MYO3B: variants seen among roughly 807,000 people sequenced by gnomAD.
MYO3B encodes myosin-IIIb.
A neutral mutation model predicts 174.6 loss-of-function variants in MYO3B; 156 were observed. That is an observed-to-expected ratio of 0.89 (90% CI 0.78 to 1.02). MYO3B has a LOEUF of 1.02. MYO3B is among the 50% of genes least tolerant of loss of function. The probability of loss-of-function intolerance (pLI) is 0.00; values close to 1 mark genes in which losing one functional copy is unlikely to be tolerated. For missense variants in MYO3B, 1,632 were observed against 1,639.4 expected (o/e 1.00, Z 0.08); for synonymous variants, 563 against 569.1 (o/e 0.99, Z 0.15).
chr2:170,634,734 G>A (rs557460774), intron 32 of MYO3B, among the ~76,000 whole-genome samples: 2 of 152,266 alleles, frequency 1.3e-5, no homozygotes, highest in East Asian at 1.9e-4. Flanking sequence ...ACAAAGGGCT[G>A]AAATCCAGAA....
intron 17 of MYO3B, among the ~76,000 whole-genome samples, chr2:170,400,983 C>T (rs896895378): frequency 7.2e-5 from 11 of 152,034 alleles, no homozygotes; most frequent in Admixed American, 3.9e-4. Flanking sequence ...AGGTTGGGCC[C>T]ATTCTGAATC....
chr2:170,490,281 G>C (rs1686381146), intron 25 of MYO3B, among the ~76,000 whole-genome samples: 1 of 152,030 alleles, frequency 6.6e-6, no homozygotes, highest in South Asian at 2.1e-4. Flanking sequence ...GCCCTCCTCG[G>C]CCTCCCAAAG....
At chr2:170,178,338 AT>A (rs1435180363) in intron 1 of MYO3B, 49 bp downstream of exon 1, 5 of 1,613,464 alleles carry the variant, frequency 3.1e-6, no homozygotes, top group Non-Finnish European at 4.2e-6. Flanking sequence ...CTTGCTTTAG[AT>A]TGTTTTTCTG....
At chr2:170,373,119 A>G (rs2094261004) in intron 9 of MYO3B, among the ~76,000 whole-genome samples, 1 of 152,218 alleles carries the variant, frequency 6.6e-6, no homozygotes, top group Admixed American at 6.5e-5. Context: ...ACTAGTGAGC[A>G]GATCATAGTA....
chr2:170,355,289 G>C (rs775025761), intron 8 of MYO3B, among the ~76,000 whole-genome samples: 10 of 152,194 alleles, frequency 6.6e-5, no homozygotes, highest in Non-Finnish European at 1.2e-4. Flanking sequence ...GTGTGGTTAA[G>C]TTGTTATGAA....
At position 170,553,826 on chromosome 2, in the gene MYO3B, G is replaced by A. The variant is rs566310107; in HGVS notation, c.3733+9838G>A. On this transcript the variant is annotated intron_variant, in intron 32 of 34. Transcript: ENST00000408978. ...ACCTGGTGGGAGGTGATTGGATCAT[G>A]GGGGCGGATTTCCCCCTTGCTGTTC... Among the ~76,000 whole-genome samples the A allele has an allele frequency of 1.1e-4, 17 of 152,286 alleles. 1 individual carries two copies. The South Asian group carries it at 3.5e-3, about 32-fold the overall frequency.
chr2:170,573,227 G>GTACA (rs1692560288), intron 32 of MYO3B, among the ~76,000 whole-genome samples: 1 of 46,440 alleles, frequency 2.2e-5, no homozygotes, highest in African/African-American at 5.0e-5. Flanking sequence ...TATACTGTGT[G>GTACA]TATATATATA....
chr2:170,456,048 G>A (rs892204539), intron 23 of MYO3B, among the ~76,000 whole-genome samples: 1 of 152,106 alleles, frequency 6.6e-6, no homozygotes. Context: ...GCATACAGAT[G>A]TATTAACGGG....
intron 25 of MYO3B, among the ~76,000 whole-genome samples, chr2:170,486,729 G>A (rs1686088512): frequency 6.6e-6 from 1 of 152,154 alleles, no homozygotes; most frequent in Non-Finnish European, 1.5e-5. Flanking sequence ...TCATCAACTA[G>A]CGTCCCATTG....
intron 32 of MYO3B, among the ~76,000 whole-genome samples, chr2:170,591,701 A>G (rs1322438161): frequency 6.6e-6 from 1 of 152,258 alleles, no homozygotes; most frequent in Non-Finnish European, 1.5e-5. Context: ...TTCAGGGGTT[A>G]GGAACTAAAG....
chr2:170,428,476 T>A (rs1414653502), intron 22 of MYO3B, among the ~76,000 whole-genome samples: 1 of 152,236 alleles, frequency 6.6e-6, no homozygotes, highest in African/African-American at 2.4e-5. Flanking sequence ...ATACTTAACT[T>A]TTTTTACTCC....
At chr2:170,601,391 G>T (rs1455948412) in intron 32 of MYO3B, among the ~76,000 whole-genome samples, 1 of 152,128 alleles carries the variant, frequency 6.6e-6, no homozygotes, top group African/African-American at 2.4e-5. Context: ...CCCCCATACT[G>T]TACCAGGCAA....
At chr2:170,427,216 T>G (rs2094671058) in intron 22 of MYO3B, among the ~76,000 whole-genome samples, 1 of 152,188 alleles carries the variant, frequency 6.6e-6, no homozygotes, top group East Asian at 1.9e-4. Context: ...CTTGTAGAGT[T>G]CCTTCATCAG....
chr2:170,577,199 T>C (rs574208323), intron 32 of MYO3B, among the ~76,000 whole-genome samples: 87 of 152,270 alleles, frequency 5.7e-4, no homozygotes, highest in African/African-American at 2.0e-3. Context: ...GAGCAAAAAA[T>C]TCTATGTAAA....
intron 32 of MYO3B, among the ~76,000 whole-genome samples, chr2:170,613,364 G>A (rs1376503490): frequency 6.6e-6 from 1 of 152,180 alleles, no homozygotes; most frequent in Non-Finnish European, 1.5e-5. Context: ...AGTCTATGTT[G>A]AACTCTGACG....
At chr2:170,180,198 G>T (rs778225326) in intron 1 of MYO3B, 1 of 441,312 alleles carries the variant, frequency 2.3e-6, no homozygotes, top group Non-Finnish European at 4.6e-6. Flanking sequence ...CTGTACCTCC[G>T]TTAGGGACTA....
chr2:170,413,294 T>A (rs1239847423), intron 22 of MYO3B, among the ~76,000 whole-genome samples: 2 of 152,126 alleles, frequency 1.3e-5, no homozygotes, highest in Non-Finnish European at 2.9e-5. Flanking sequence ...CTGGGAGTAA[T>A]GAGGCATTCT....
At chr2:170,649,370 A>AAT (rs1559202631) in intron 32 of MYO3B, among the ~76,000 whole-genome samples, 30 of 108,266 alleles carry the variant, frequency 2.8e-4, no homozygotes, top group African/African-American at 8.9e-4. Context: ...TATTATATAA[A>AAT]AATATAAATA....
intron 32 of MYO3B, among the ~76,000 whole-genome samples, chr2:170,593,583 C>T (rs747690576): frequency 2.0e-5 from 3 of 152,242 alleles, no homozygotes; most frequent in Admixed American, 6.5e-5. Flanking sequence ...CACTGGCTCT[C>T]TCCTGCCTCT....
Sources: gnomAD v4.1 joint callset for allele counts (sites outside exome capture counted in the v4.1 genomes callset) on GRCh38, gnomAD v4.1.1 for gene constraint, MANE v1.5 for transcripts, NCBI Gene and HGNC (gene_info 2026-07-23, HGNC 2026-07-21) for gene names.